Variants in MDGA2 observed in about 807,000 individuals in gnomAD.
MDGA2 encodes MAM domain-containing glycosylphosphatidylinositol anchor protein 2.
Under a neutral mutation model 117.8 loss-of-function variants are expected in MDGA2, and 40 were observed. That is an observed-to-expected ratio of 0.34 (90% CI 0.26 to 0.44). The LOEUF (loss-of-function observed/expected upper bound fraction) is 0.44, where lower values mean the gene tolerates loss of function less well. Among genes scored for constraint, MDGA2 ranks in the 20% least tolerant of loss-of-function variants. The pLI is 1.00. For synonymous variants in MDGA2, 452 were observed against 439.0 expected (o/e 1.03, Z -0.37); for missense variants, 1,123 against 1,250.6 (o/e 0.90, Z 1.54).
chr14:47,260,491 C>G (rs1887759900), intron 2 of MDGA2, among the ~76,000 whole-genome samples: 1 of 152,006 alleles, frequency 6.6e-6, no homozygotes, highest in South Asian at 2.1e-4. Context: ...GAAGGTGTCT[C>G]TCTTGAAAGG....
At chr14:47,656,931 T>A (rs914737910) in intron 1 of MDGA2, among the ~76,000 whole-genome samples, 1 of 152,174 alleles carries the variant, frequency 6.6e-6, no homozygotes, top group Non-Finnish European at 1.5e-5. Context: ...TCGATGCATG[T>A]AACTTCCAAG....
At chr14:47,560,387 A>G (rs570717244) in intron 1 of MDGA2, among the ~76,000 whole-genome samples, 1 of 152,196 alleles carries the variant, frequency 6.6e-6, no homozygotes, top group Admixed American at 6.5e-5. Context: ...AGGATTTTTT[A>G]ATAATAGGCT....
chr14:46,982,021 G>A (rs1220620924), intron 8 of MDGA2, among the ~76,000 whole-genome samples: 7 of 152,068 alleles, frequency 4.6e-5, no homozygotes, highest in East Asian at 1.9e-4. Context: ...GCATATAATC[G>A]GATTTATGAG....
chr14:46,871,279 C>A (rs1296002641), intron 14 of MDGA2: 1 of 151,852 alleles, frequency 6.6e-6, no homozygotes, highest in East Asian at 1.9e-4. Context: ...TGCAGAAAAT[C>A]TAATAACTCA....
At chr14:47,057,860 T>A (rs181484985) in intron 7 of MDGA2, among the ~76,000 whole-genome samples, 140 of 152,114 alleles carry the variant, frequency 9.2e-4, no homozygotes, top group African/African-American at 3.1e-3. Context: ...CCTAAAGGGA[T>A]CCTCCTGAGT....
At chr14:47,337,694 G>C (rs1249793923) in intron 1 of MDGA2, among the ~76,000 whole-genome samples, 1 of 151,674 alleles carries the variant, frequency 6.6e-6, no homozygotes, top group East Asian at 1.9e-4. Context: ...GAAAATGGGG[G>C]GGATAAGTTG....
intron 1 of MDGA2, among the ~76,000 whole-genome samples, chr14:47,465,806 T>C (rs911953256): frequency 2.0e-5 from 3 of 152,196 alleles, no homozygotes; most frequent in Non-Finnish European, 4.4e-5. Flanking sequence ...CATTATCATT[T>C]GATCCAGAAA....
At chr14:47,169,398 T>C (rs1884028014) in intron 3 of MDGA2, among the ~76,000 whole-genome samples, 1 of 151,864 alleles carries the variant, frequency 6.6e-6, no homozygotes, top group Non-Finnish European at 1.5e-5. Context: ...TGTATATATA[T>C]AAATTTGAAT....
intron 1 of MDGA2, among the ~76,000 whole-genome samples, chr14:47,473,009 T>C (rs941180670): frequency 2.0e-5 from 3 of 152,156 alleles, no homozygotes; most frequent in Non-Finnish European, 4.4e-5. Flanking sequence ...GAGGTTGATT[T>C]GGGGAAATGC....
chr14:47,000,724 G>A (rs528649843), intron 8 of MDGA2, among the ~76,000 whole-genome samples: 1 of 151,726 alleles, frequency 6.6e-6, no homozygotes, highest in East Asian at 1.9e-4. Flanking sequence ...CCTGGGAAGA[G>A]AACTGAATAG....
intron 9 of MDGA2, among the ~76,000 whole-genome samples, chr14:46,943,552 G>A (rs1238011566): frequency 6.6e-6 from 1 of 151,906 alleles, no homozygotes; most frequent in African/African-American, 2.4e-5. Flanking sequence ...TTCACTTACT[G>A]ATTCTACTTA....
chr14:47,248,214 TA>T (rs915058922), intron 2 of MDGA2, among the ~76,000 whole-genome samples: 7 of 150,320 alleles, frequency 4.7e-5, no homozygotes, highest in East Asian at 3.9e-4. Flanking sequence ...AAAAAATAAA[TA>T]AAAAAAATAA....
At chr14:46,960,294 T>G (rs1885744870) in intron 8 of MDGA2, 1 of 152,218 alleles carries the variant, frequency 6.6e-6, no homozygotes, top group African/African-American at 2.4e-5. Context: ...TCCAGATATT[T>G]GCTAGCTTAT....
At chr14:47,470,596 C>G (rs372373466) in intron 1 of MDGA2, among the ~76,000 whole-genome samples, 1 of 151,942 alleles carries the variant, frequency 6.6e-6, no homozygotes, top group African/African-American at 2.4e-5. Context: ...GTGTCTTTAT[C>G]GTAGAATGAT....
intron 3 of MDGA2, among the ~76,000 whole-genome samples, chr14:47,162,175 G>A (rs1004957433): frequency 6.6e-6 from 1 of 151,634 alleles, no homozygotes; most frequent in Non-Finnish European, 1.5e-5. Flanking sequence ...TGGATCTCCC[G>A]ACCTCGTGTT....
intron 1 of MDGA2, among the ~76,000 whole-genome samples, chr14:47,670,325 G>T (rs1594974278): frequency 6.6e-6 from 1 of 152,108 alleles, no homozygotes; most frequent in African/African-American, 2.4e-5. Flanking sequence ...GTTTGCAGTG[G>T]GGATTTGTCT....
chr14:46,974,112 G>A (rs1886367411), intron 8 of MDGA2, among the ~76,000 whole-genome samples: 1 of 151,884 alleles, frequency 6.6e-6, no homozygotes, highest in Admixed American at 6.6e-5. Flanking sequence ...ATTTATAATA[G>A]TATCAAAAGT....
chr14:47,619,254 A>G (rs1236526598), intron 1 of MDGA2, among the ~76,000 whole-genome samples: 1 of 152,124 alleles, frequency 6.6e-6, no homozygotes, highest in Admixed American at 6.5e-5. Flanking sequence ...AATAGTAACT[A>G]ATAATTTTAC....
At chr14:47,250,222 G>C (rs57758090) in intron 2 of MDGA2, among the ~76,000 whole-genome samples, 1 of 152,318 alleles carries the variant, frequency 6.6e-6, no homozygotes, top group African/African-American at 2.4e-5. Flanking sequence ...GCTAAAGGCA[G>C]AACAGTTCTC....
Sources: allele counts gnomAD v4.1 joint callset (sites outside exome capture counted in the v4.1 genomes callset), GRCh38; gene constraint gnomAD v4.1.1; transcripts MANE v1.5; gene names NCBI Gene and HGNC (gene_info 2026-07-23, HGNC 2026-07-21).